The following RASGRF1 variants were observed in gnomAD, a reference collection of about 807,000 sequenced individuals.
The protein encoded by RASGRF1 is Ras protein specific guanine nucleotide releasing factor 1, also known as ras-specific guanine nucleotide-releasing factor 1.
RASGRF1 carries 40 observed loss-of-function variants against 138.7 expected under a neutral mutation model. The observed-to-expected ratio is 0.29, with a 90% confidence interval of 0.22 to 0.38. RASGRF1 has a LOEUF of 0.38. Ranked by LOEUF, RASGRF1 falls within the 10% of genes least tolerant of loss-of-function variation. The pLI is 1.00. For missense variants in RASGRF1, 1,108 were observed against 1,650.4 expected (o/e 0.67, Z 5.69); for synonymous variants, 614 against 663.2 (o/e 0.93, Z 1.14).
Position 79,032,360 on chromosome 15 carries a change from G to A in RASGRF1, c.959-44C>T. On this transcript the variant is annotated intron_variant, in intron 6 of 26. Transcript: ENST00000558480. The surrounding 1 kb of genome is among the most constrained non-coding windows in gnomAD (Gnocchi z 4.5). ...CAGCGGGTGGCTAGGGCAGCTTGGT[G>A]GGGACAGAATCCCCTAGGCCCTTGG... is the stretch of plus-strand genomic sequence containing the variant. 1 of 1,589,048 alleles carries A rather than the reference G, an allele frequency of 6.3e-7. No homozygotes were observed. The highest frequency in any genetic ancestry group is 1.7e-5 in the Admixed American group (1 of 59,378).
Position 78,971,855 on chromosome 15 carries a change from G to T in RASGRF1, c.3681+11C>A. On this transcript the variant is annotated intron_variant, in intron 26 of 26. Transcript: ENST00000558480. ...AAAGCATGCAAGTGACCAGGAAAAG[G>T]CACAGCTTACCTTTGCTTGGTGCTC... is the stretch of plus-strand genomic sequence containing the variant. The T allele has an allele frequency of 6.4e-7, 1 of 1,564,944 alleles. No individual in the cohort carries two copies. Among genetic ancestry groups the T allele is most frequent in the Non-Finnish European group, 8.8e-7 (1 of 1,135,334 alleles).
In RASGRF1 at chr15:79,021,045, T is replaced by C. The variant is rs537997690; in HGVS notation, c.1543-941A>G. Among the ~76,000 whole-genome samples, 363 of 152,276 alleles carry C rather than the reference T, an allele frequency of 2.4e-3. 1 individual carries two copies. The highest frequency in any genetic ancestry group is 8.3e-3 in the African/African-American group (346 of 41,542). On this transcript the variant is annotated intron_variant, in intron 10 of 26. Coordinates refer to ENST00000558480, the MANE Select transcript of RASGRF1 (RefSeq NM_001145648.3). Reference sequence around the variant, plus strand: ...AACTGAGGCCTCCAGCCAACAGCCATGGAGGCATATCATCTTGGAAAAGGA... The same window carrying C: ...AACTGAGGCCTCCAGCCAACAGCCACGGAGGCATATCATCTTGGAAAAGGA...
In RASGRF1 at chr15:79,035,216, A is replaced by G; in HGVS notation, c.879-6T>C. 1 of 1,611,132 alleles carries G rather than the reference A, an allele frequency of 6.2e-7. No homozygotes were observed. The highest frequency in any genetic ancestry group is 1.1e-5 in the South Asian group (1 of 90,490). On this transcript the variant is annotated splice_polypyrimidine_tract_variant and splice_region_variant and intron_variant, in intron 5 of 26. Transcript: ENST00000558480. ...GTAAAAACATGATGGTTTCGCTGAAAGAGAAAGCACAGGGTCAGCTCTGCC... is the reference window on the plus strand; with the variant it reads ...GTAAAAACATGATGGTTTCGCTGAAGGAGAAAGCACAGGGTCAGCTCTGCC...
At chr15:79,021,128 C>T (rs1444680739) in intron 10 of RASGRF1, among the ~76,000 whole-genome samples, 1 of 152,226 alleles carries the variant, frequency 6.6e-6, no homozygotes, top group East Asian at 1.9e-4. Flanking sequence ...ATCTTGACTG[C>T]AAACCCCTGA....
At position 79,032,349 on chromosome 15, in the gene RASGRF1, G is replaced by C. The variant is rs1194813990; in HGVS notation, c.959-33C>G. On this transcript the variant is annotated intron_variant, in intron 6 of 26. Transcript: ENST00000558480. This position sits in a 1 kb window ranked among gnomAD's most constrained non-coding sequence, Gnocchi z 4.5. Reference sequence around the variant, plus strand: ...GACGAGGCAGTCAGCGGGTGGCTAGGGCAGCTTGGTGGGGACAGAATCCCC... The same window carrying C: ...GACGAGGCAGTCAGCGGGTGGCTAGCGCAGCTTGGTGGGGACAGAATCCCC... 7.5e-6 allele frequency: 12 copies of C among 1,605,902 alleles called. No individual in the cohort carries two copies. Among genetic ancestry groups the C allele is most frequent in the Non-Finnish European group, 9.4e-6 (11 of 1,174,200 alleles).
chr15:79,031,303 A>T, intron 8 of RASGRF1, 97 bp downstream of exon 8: 3 of 936,492 alleles, frequency 3.2e-6, no homozygotes, highest in Non-Finnish European at 4.9e-6. Context: ...CCCCATCTGA[A>T]CTCAAGCTTT....
At chr15:79,033,596 T>TC (rs1458368033) in intron 6 of RASGRF1, among the ~76,000 whole-genome samples, 1 of 143,236 alleles carries the variant, frequency 7.0e-6, no homozygotes, top group East Asian at 2.0e-4. Context: ...TTTTTTTTTT[T>TC]TTTTTTGAGA....
At position 78,962,015 on chromosome 15, in the gene RASGRF1, G is replaced by A; in HGVS notation, c.*129C>T. On this transcript the variant is annotated 3_prime_UTR_variant, in exon 27 of 27. Transcript: ENST00000558480. ...ATATTCCGGTTCTACAGGAATCTAAGAACAAGGACGATTTGTATTCTTGGA... is the reference window on the plus strand; with the variant it reads ...ATATTCCGGTTCTACAGGAATCTAAAAACAAGGACGATTTGTATTCTTGGA... 1 of 655,292 alleles carries A rather than the reference G, an allele frequency of 1.5e-6. No homozygotes were observed. The highest frequency in any genetic ancestry group is 2.8e-5 in the East Asian group (1 of 36,026). The allele number at this position is 655,292 out of a possible 1,614,324, so 40.6% of individuals were successfully genotyped here.
chr15:79,015,583 G>T (rs555718147), intron 12 of RASGRF1, among the ~76,000 whole-genome samples, 174 bp from the exon 13 acceptor site: 2 of 152,326 alleles, frequency 1.3e-5, no homozygotes, highest in African/African-American at 4.8e-5. Context: ...TTAGACTTTG[G>T]CCGGAAGTCA....
At chr15:79,022,719 A>G (rs1445338497) in intron 10 of RASGRF1, among the ~76,000 whole-genome samples, 2 of 152,158 alleles carry the variant, frequency 1.3e-5, no homozygotes, top group African/African-American at 4.8e-5. Flanking sequence ...ATATTTGTAA[A>G]TTAATTTCCC....
At chr15:79,067,248 G>A (rs535435440) in intron 1 of RASGRF1, among the ~76,000 whole-genome samples, 1 of 152,226 alleles carries the variant, frequency 6.6e-6, no homozygotes, top group East Asian at 1.9e-4. Flanking sequence ...GCCACTTCAG[G>A]CTCCCAGCCA....
At chr15:79,036,565 A>G (rs2057225447) in intron 5 of RASGRF1, among the ~76,000 whole-genome samples, 1 of 152,164 alleles carries the variant, frequency 6.6e-6, no homozygotes, top group African/African-American at 2.4e-5. Flanking sequence ...ATGAGAGCCA[A>G]GGGTGGAAGA....
At position 79,090,020 on chromosome 15, in the gene RASGRF1, GC is replaced by G. The variant is rs1458817623; in HGVS notation, c.276+202del. Among the ~76,000 whole-genome samples, 5 of 152,158 alleles carry G rather than the reference GC, an allele frequency of 3.3e-5. No homozygotes were observed. The East Asian group carries it at 9.6e-4, about 29-fold the overall frequency. ...CAGCCGCAGCCCACATCTACTCCCC[GC>G]CCTCAATCCCTGCCCCCTCTGCCCG... is the stretch of plus-strand genomic sequence containing the variant. On this transcript the variant is annotated intron_variant, in intron 1 of 26. Transcript: ENST00000558480.
chr15:79,074,315 TG>T (rs2057803072), intron 1 of RASGRF1, among the ~76,000 whole-genome samples: 2 of 152,224 alleles, frequency 1.3e-5, no homozygotes, highest in South Asian at 4.1e-4. Flanking sequence ...GTGGGGAAAT[TG>T]GGCTGAGGCT....
chr15:79,077,569 GA>G (rs2057852335), intron 1 of RASGRF1, among the ~76,000 whole-genome samples: 1 of 152,190 alleles, frequency 6.6e-6, no homozygotes, highest in South Asian at 2.1e-4. Context: ...GCGTGGTGGG[GA>G]GGGGCTCATA....
At chr15:79,042,717 C>T (rs1480264077) in intron 5 of RASGRF1, among the ~76,000 whole-genome samples, 1 of 152,214 alleles carries the variant, frequency 6.6e-6, no homozygotes, top group African/African-American at 2.4e-5. Context: ...CTGATCCTGG[C>T]TCCAGCCTCA....
chr15:78,999,598 GGT>G, intron 17 of RASGRF1, 143 bp downstream of exon 17: 2 of 904,370 alleles, frequency 2.2e-6, no homozygotes, highest in Non-Finnish European at 3.3e-6. Flanking sequence ...CCCGAGGGTG[GGT>G]GCTTTAACAG....
chr15:79,065,600 G>A (rs968999266), intron 1 of RASGRF1, among the ~76,000 whole-genome samples: 7 of 152,052 alleles, frequency 4.6e-5, no homozygotes, highest in Non-Finnish European at 1.0e-4. Context: ...GGGATTCGTC[G>A]GAGAGAGAGG....
chr15:79,058,742 C>G (rs1271692901), intron 2 of RASGRF1, among the ~76,000 whole-genome samples: 1 of 152,216 alleles, frequency 6.6e-6, no homozygotes, highest in Admixed American at 6.5e-5. Flanking sequence ...TGTTCCCACC[C>G]ACTTTTAAAG....
Sources: gnomAD v4.1 joint callset for allele counts (sites outside exome capture counted in the v4.1 genomes callset) on GRCh38, gnomAD v4.1.1 for gene constraint, Gnocchi (gnomAD v3.1) non-coding constraint, MANE v1.5 for transcripts, NCBI Gene and HGNC (gene_info 2026-07-23, HGNC 2026-07-21) for gene names.